DCAF8L2: variants seen among roughly 807,000 people sequenced by gnomAD.
DCAF8L2 encodes the protein DDB1 and CUL4 associated factor 8 like 2, also known as DDB1- and CUL4-associated factor 8-like protein 2.
For missense variants in DCAF8L2, 430 were observed against 490.7 expected (o/e 0.88, Z 1.17); for synonymous variants, 200 against 190.9 (o/e 1.05, Z -0.39).
At chrX:27,716,019 G>T (rs1931689776) in intron 3 of DCAF8L2, 69 bp from the exon 4 acceptor site, 1 of 112,238 alleles carries the variant, frequency 8.9e-6, no homozygotes, top group Non-Finnish European at 1.9e-5. Flanking sequence ...CAATGACTTG[G>T]TTTGTTTATT....
At chrX:27,512,484 G>C in the DCAF8L2 span, among the ~76,000 whole-genome samples, 2 of 108,744 alleles carry the variant, frequency 1.8e-5, no homozygotes, top group African/African-American at 6.7e-5. Flanking sequence ...AGGAGTTCGA[G>C]ACCAGCCTGG....
chrX:27,733,328 G>T (rs187022601), intron 4 of DCAF8L2, among the ~76,000 whole-genome samples: 167 of 111,584 alleles, frequency 1.5e-3, no homozygotes, highest in African/African-American at 5.2e-3. Context: ...ATTTAGTTAC[G>T]TCTGGAAAAA....
At chrX:27,641,859 C>T (rs1358432852) in intron 2 of DCAF8L2, among the ~76,000 whole-genome samples, 1 of 107,081 alleles carries the variant, frequency 9.3e-6, no homozygotes, top group Non-Finnish European at 1.9e-5. Flanking sequence ...CTCTTTATCA[C>T]TAGTTTCAAG....
At chrX:27,613,391 C>G (rs748840994) in intron 1 of DCAF8L2, among the ~76,000 whole-genome samples, 1 of 111,610 alleles carries the variant, frequency 9.0e-6, no homozygotes, top group South Asian at 3.8e-4. Context: ...ATCATGTCAT[C>G]TGCAAACAGG....
the DCAF8L2 span, among the ~76,000 whole-genome samples, chrX:27,505,612 C>T: frequency 1.3e-4 from 14 of 111,510 alleles, no homozygotes; most frequent in Admixed American, 2.9e-4. Flanking sequence ...TCCTGGTACT[C>T]ATATCCCTGT....
intron 4 of DCAF8L2, among the ~76,000 whole-genome samples, chrX:27,718,923 T>A (rs150657647): frequency 0.015 from 1,649 of 111,792 alleles, 13 homozygotes; most frequent in Non-Finnish European, 0.024. Flanking sequence ...TACATATGTA[T>A]GTGTGTGTAT....
the DCAF8L2 span, among the ~76,000 whole-genome samples, chrX:27,511,769 T>C: frequency 8.9e-6 from 1 of 111,969 alleles, no homozygotes; most frequent in African/African-American, 3.2e-5. Flanking sequence ...GCAACTTATG[T>C]AGATAAAAAT....
At chrX:27,519,360 C>G in the DCAF8L2 span, 1 of 1,148,439 alleles carries the variant, frequency 8.7e-7, no homozygotes, top group Non-Finnish European at 1.2e-6. Context: ...CGAAGTCTGC[C>G]GTAGCAAAAC....
chrX:27,577,285 A>G, the DCAF8L2 span, among the ~76,000 whole-genome samples: 2 of 111,731 alleles, frequency 1.8e-5, no homozygotes, highest in Middle Eastern at 4.7e-3. Flanking sequence ...CAAAGCAGCT[A>G]TGTCTCTTGG....
the DCAF8L2 span, among the ~76,000 whole-genome samples, chrX:27,537,349 G>A: frequency 3.6e-5 from 4 of 112,172 alleles, no homozygotes; most frequent in African/African-American, 1.3e-4. Flanking sequence ...AAGTGTGGTA[G>A]TAAATCATTT....
the DCAF8L2 span, among the ~76,000 whole-genome samples, chrX:27,475,087 T>C: frequency 9.0e-6 from 1 of 111,555 alleles, no homozygotes; most frequent in Non-Finnish European, 1.9e-5. Context: ...TAATTGGTTT[T>C]CTTGTGAAAA....
At chrX:27,547,845 T>TTCTCTCTCTCTCTCTCTCTC in the DCAF8L2 span, among the ~76,000 whole-genome samples, 5 of 46,283 alleles carry the variant, frequency 1.1e-4, no homozygotes, top group South Asian at 3.2e-3. Flanking sequence ...CTCTCTCTCT[T>TTCTCTCTCTCTCTCTCTCTC]TCTCTCTCTC....
chrX:27,502,335 AATATATATATATATAT>A, the DCAF8L2 span, among the ~76,000 whole-genome samples: 3 of 12,718 alleles, frequency 2.4e-4, no homozygotes, highest in East Asian at 7.0e-3. Flanking sequence ...AAAAAAAAAA[AATATATATATATATAT>A]ATATATATAT....
chrX:27,685,578 ACT>A (rs777066436), intron 3 of DCAF8L2, among the ~76,000 whole-genome samples: 26 of 111,930 alleles, frequency 2.3e-4, no homozygotes, highest in Non-Finnish European at 4.3e-4. Flanking sequence ...CCAAAAATAA[ACT>A]CTAAATGGTT....
At chrX:27,527,037 T>G in the DCAF8L2 span, among the ~76,000 whole-genome samples, 2 of 111,964 alleles carry the variant, frequency 1.8e-5, no homozygotes, top group Admixed American at 9.4e-5. Context: ...GGAGAACCAC[T>G]ACTCTCTTCA....
chrX:27,620,180 C>T (rs1260518488), intron 1 of DCAF8L2, among the ~76,000 whole-genome samples: 1 of 111,627 alleles, frequency 9.0e-6, no homozygotes. Context: ...CTGTAGAGAA[C>T]AGACACTCTC....
At chrX:27,483,333 A>G in the DCAF8L2 span, among the ~76,000 whole-genome samples, 1 of 111,841 alleles carries the variant, frequency 8.9e-6, no homozygotes, top group African/African-American at 3.2e-5. Flanking sequence ...AATACAAGAT[A>G]TAATGAAAAG....
chrX:27,502,335 A>AAAAAAAAAAAAAATATAT, the DCAF8L2 span, among the ~76,000 whole-genome samples: 1 of 12,718 alleles, frequency 7.9e-5, no homozygotes, highest in African/African-American at 2.2e-4. Flanking sequence ...AAAAAAAAAA[A>AAAAAAAAAAAAAATATAT]ATATATATAT....
chrX:27,547,074 G>A, the DCAF8L2 span, among the ~76,000 whole-genome samples: 1 of 111,811 alleles, frequency 8.9e-6, no homozygotes, highest in Non-Finnish European at 1.9e-5. Context: ...ATAAGTTCCA[G>A]TTTCAAATAA....
Sources: gnomAD v4.1 joint callset for allele counts (sites outside exome capture counted in the v4.1 genomes callset) on GRCh38, gnomAD v4.1.1 for gene constraint, MANE v1.5 for transcripts, NCBI Gene and HGNC (gene_info 2026-07-23, HGNC 2026-07-21) for gene names.